The following CSMD1 variants were observed in gnomAD, a reference collection of about 807,000 sequenced individuals.
CSMD1 encodes the protein CUB and Sushi multiple domains 1, also known as CUB and sushi domain-containing protein 1.
A neutral mutation model predicts 417.5 loss-of-function variants in CSMD1; 213 were observed. The observed-to-expected ratio is 0.51, with a 90% CI of 0.46 to 0.57. The LOEUF (loss-of-function observed/expected upper bound fraction) is 0.57, where lower values mean the gene tolerates loss of function less well. Among genes scored for constraint, CSMD1 ranks in the 20% least tolerant of loss-of-function variants. The pLI, the probability that CSMD1 is intolerant of heterozygous loss-of-function variation, is 0.00. For missense variants in CSMD1, 6,923 were observed against 4,529.7 expected (o/e 1.53, Z -15.17); for synonymous variants, 2,862 against 1,736.8 (o/e 1.65, Z -16.11).
chr8:4,411,480 C>G (rs954382282), intron 3 of CSMD1, among the ~76,000 whole-genome samples: 1 of 152,140 alleles, frequency 6.6e-6, no homozygotes, highest in Non-Finnish European at 1.5e-5. Context: ...CAATTAAGAG[C>G]CAGAGATCCA....
intron 7 of CSMD1, among the ~76,000 whole-genome samples, chr8:3,689,713 A>G (rs1195410304): frequency 7.4e-6 from 1 of 136,052 alleles, no homozygotes; most frequent in Non-Finnish European, 1.7e-5. Context: ...AAGTACTATA[A>G]TCAATCCCTT....
chr8:3,902,668 C>G (rs150185778), intron 5 of CSMD1, among the ~76,000 whole-genome samples: 3 of 152,108 alleles, frequency 2.0e-5, no homozygotes, highest in African/African-American at 7.2e-5. Context: ...CCACTCATCT[C>G]CTGCTGGGCA....
At chr8:4,296,667 C>T (rs903717483) in intron 3 of CSMD1, among the ~76,000 whole-genome samples, 2 of 141,564 alleles carry the variant, frequency 1.4e-5, no homozygotes, top group Admixed American at 7.2e-5. Flanking sequence ...GGTCCCTAGG[C>T]TTGGGTCCCT....
chr8:3,798,726 A>G (rs1800298384), intron 5 of CSMD1, among the ~76,000 whole-genome samples: 2 of 152,146 alleles, frequency 1.3e-5, no homozygotes, highest in African/African-American at 4.8e-5. Flanking sequence ...ATGTATACAT[A>G]TACAAAAATG....
chr8:3,277,376 T>G (rs13264263), intron 26 of CSMD1, among the ~76,000 whole-genome samples: 4 of 151,908 alleles, frequency 2.6e-5, no homozygotes, highest in Non-Finnish European at 4.4e-5. Flanking sequence ...CGCAGGTGCA[T>G]GAAGAAGGAA....
intron 12 of CSMD1, among the ~76,000 whole-genome samples, chr8:3,447,829 G>C (rs1295352394): frequency 2.0e-5 from 3 of 152,118 alleles, no homozygotes; most frequent in Non-Finnish European, 1.5e-5. Context: ...CCATTTTTGG[G>C]TTTGAGATGG....
intron 4 of CSMD1, among the ~76,000 whole-genome samples, chr8:4,021,662 T>C (rs551693904): frequency 6.6e-6 from 1 of 152,316 alleles, no homozygotes; most frequent in South Asian, 2.1e-4. Flanking sequence ...CCTTTTCTCT[T>C]TTGGCGCATA....
chr8:4,315,616 T>C (rs1798876197), intron 3 of CSMD1, among the ~76,000 whole-genome samples: 1 of 152,166 alleles, frequency 6.6e-6, no homozygotes, highest in Non-Finnish European at 1.5e-5. Context: ...AAAGTAAACT[T>C]GGTTTCCAAA....
chr8:4,323,123 G>C (rs530370086), intron 3 of CSMD1, among the ~76,000 whole-genome samples: 2 of 152,224 alleles, frequency 1.3e-5, no homozygotes, highest in African/African-American at 2.4e-5. Context: ...ACATTAATTG[G>C]TGGTTCCAAA....
intron 4 of CSMD1, among the ~76,000 whole-genome samples, chr8:4,023,753 A>ATTTT (rs760333220): frequency 4.2e-4 from 21 of 50,124 alleles, no homozygotes; most frequent in Non-Finnish European, 5.9e-4. Flanking sequence ...CGCTCGGCTA[A>ATTTT]TTTTTTTTTT....
At chr8:4,248,240 A>G (rs754389578) in intron 3 of CSMD1, among the ~76,000 whole-genome samples, 3 of 152,196 alleles carry the variant, frequency 2.0e-5, no homozygotes, top group Non-Finnish European at 4.4e-5. Flanking sequence ...TGGCAGGACT[A>G]GTCCAGGAAC....
At chr8:4,205,790 T>C (rs1402908239) in intron 3 of CSMD1, among the ~76,000 whole-genome samples, 1 of 152,054 alleles carries the variant, frequency 6.6e-6, no homozygotes, top group African/African-American at 2.4e-5. Context: ...ATGCCTGTGT[T>C]AGATATTTGT....
At chr8:4,924,696 T>C (rs1806733075) in intron 1 of CSMD1, among the ~76,000 whole-genome samples, 1 of 99,730 alleles carries the variant, frequency 1.0e-5, no homozygotes, top group African/African-American at 4.0e-5. Context: ...CACTCTAGCC[T>C]GGGAGACAAG....
At chr8:4,521,378 A>T (rs1477961116) in intron 2 of CSMD1, among the ~76,000 whole-genome samples, 1 of 152,156 alleles carries the variant, frequency 6.6e-6, no homozygotes, top group Non-Finnish European at 1.5e-5. Flanking sequence ...AAATAGAAAA[A>T]GAAAAAACAA....
At chr8:4,774,836 G>T (rs548852527) in intron 1 of CSMD1, among the ~76,000 whole-genome samples, 1 of 143,846 alleles carries the variant, frequency 7.0e-6, no homozygotes, top group African/African-American at 3.0e-5. Flanking sequence ...CCTACTGGAG[G>T]CATGTGAAGT....
chr8:4,409,618 A>T (rs563805182), intron 3 of CSMD1, among the ~76,000 whole-genome samples: 1 of 147,972 alleles, frequency 6.8e-6, no homozygotes, highest in African/African-American at 2.5e-5. Flanking sequence ...AAGAGTATAG[A>T]TTCATCATTA....
intron 1 of CSMD1, among the ~76,000 whole-genome samples, chr8:4,703,979 A>G (rs1807751681): frequency 6.6e-6 from 1 of 152,150 alleles, no homozygotes; most frequent in Admixed American, 6.5e-5. Flanking sequence ...AGTTCACAGT[A>G]GGTTTCATGC....
intron 3 of CSMD1, among the ~76,000 whole-genome samples, chr8:4,047,638 C>T (rs182056069): frequency 2.6e-5 from 4 of 151,756 alleles, no homozygotes; most frequent in African/African-American, 9.7e-5. Context: ...TGCAATATCG[C>T]CCTCAGTGAG....
intron 1 of CSMD1, among the ~76,000 whole-genome samples, chr8:4,946,966 T>C (rs1202516422): frequency 4.6e-5 from 7 of 152,214 alleles, no homozygotes; most frequent in South Asian, 2.1e-4. Context: ...ATATATATTA[T>C]TTTGAGGAGT....
Sources: allele counts gnomAD v4.1 joint callset (sites outside exome capture counted in the v4.1 genomes callset), GRCh38; gene constraint gnomAD v4.1.1; transcripts MANE v1.5; gene names NCBI Gene and HGNC (gene_info 2026-07-23, HGNC 2026-07-21).